Variants in ATP10B observed in about 807,000 individuals in gnomAD.
The protein encoded by ATP10B is ATPase phospholipid transporting 10B (putative), also known as phospholipid-transporting ATPase VB.
ATP10B carries 122 observed loss-of-function variants against 141.2 expected under a neutral mutation model. The ratio of observed to expected loss-of-function variants is 0.86; its 90% confidence interval spans 0.75 to 1.00. ATP10B has a LOEUF of 1.00. ATP10B is among the 50% of genes least tolerant of loss of function. The pLI is 0.00. For synonymous variants in ATP10B, 685 were observed against 692.0 expected, an observed-to-expected ratio of 0.99 and a Z score of 0.16; for missense variants, 1,876 against 1,825.3, an observed-to-expected ratio of 1.03 and a Z score of -0.51.
At chr5:160,576,053 C>G (rs1279825528) in intron 24 of ATP10B, among the ~76,000 whole-genome samples, 3 of 152,180 alleles carry the variant, frequency 2.0e-5, no homozygotes, top group Admixed American at 6.6e-5. Flanking sequence ...CTCCTGCTTT[C>G]CAACAAAAAT....
chr5:160,670,485 A>G lies in ATP10B; in HGVS notation c.653T>C (p.Val218Ala), dbSNP rs1361182584. 6.2e-7 allele frequency: 1 copy of G among 1,614,002 alleles called. No individual in the cohort carries two copies. Among genetic ancestry groups the G allele is most frequent in the Non-Finnish European group, 8.5e-7 (1 of 1,179,998 alleles). ...DGETNLKQRC[V>A]VKGFSQQEVQ... ...TACCTGCTGTGAGAAGCCCTTCACG[A>G]CACATCTTTGCTTGAGGTTTGTCTC... Residue 218 changes from valine to alanine, a missense_variant, in exon 7 of 26, where the codon GTC becomes GCC. Physicochemically the swap from Val to Ala is moderately conservative, Grantham distance 64 (BLOSUM62 0). Transcript: ENST00000327245.
At chr5:160,681,499 C>A (rs1191106533) in intron 6 of ATP10B, among the ~76,000 whole-genome samples, 1 of 152,106 alleles carries the variant, frequency 6.6e-6, no homozygotes, top group African/African-American at 2.4e-5. Flanking sequence ...AAAGAAGAAC[C>A]TAGGGCCAGA....
chr5:160,810,560 C>G (rs1364384651), intron 1 of ATP10B, among the ~76,000 whole-genome samples: 1 of 152,050 alleles, frequency 6.6e-6, no homozygotes. Context: ...GGTGGGTTCT[C>G]TGTGTGTCCA....
Position 160,654,833 on chromosome 5 carries a change from C to T in ATP10B, c.676-5577G>A, listed in dbSNP as rs79250212. Among the ~76,000 whole-genome samples the T allele has an allele frequency of 8.9e-3, 1,355 of 152,252 alleles. 15 individuals are homozygous for T. Among genetic ancestry groups the T allele is most frequent in the African/African-American group, 0.03 (1,239 of 41,542 alleles). ...TACATGCCATCTTCTTTGATTCTGA[C>T]AATAATTCTATCAGGTAGGTACCAT... On this transcript the variant is annotated intron_variant, in intron 7 of 25. Transcript: ENST00000327245.
intron 7 of ATP10B, among the ~76,000 whole-genome samples, chr5:160,667,487 T>C (rs549238026): frequency 1.3e-5 from 2 of 152,222 alleles, no homozygotes; most frequent in African/African-American, 2.4e-5. Flanking sequence ...AAAAAAACAC[T>C]CTTGAGCAAA....
intron 1 of ATP10B, among the ~76,000 whole-genome samples, chr5:160,816,595 C>T (rs1026423988): frequency 6.6e-6 from 1 of 152,214 alleles, no homozygotes; most frequent in Non-Finnish European, 1.5e-5. Context: ...TGGTACCATA[C>T]TTTCTGAAAC....
At position 160,594,241 on chromosome 5, in the gene ATP10B, C is replaced by T. The variant is rs533862849; in HGVS notation, c.3565-3102G>A. The stretch of plus-strand genomic sequence containing the variant: ...AGAGTGGGGGCCAATATTCAACATT[C>T]TTAAAGAAAAGAATTTTCAACTCAG... On this transcript the variant is annotated intron_variant, in intron 22 of 25. Coordinates refer to ENST00000327245, the MANE Select transcript of ATP10B (RefSeq NM_025153.3). Among the ~76,000 whole-genome samples, 3 of 152,308 alleles carry T rather than the reference C, an allele frequency of 2.0e-5. No individual in the cohort carries two copies. In the South Asian group the frequency reaches 6.2e-4, roughly 32 times the overall value.
Position 160,839,035 on chromosome 5 carries a change from T to C in ATP10B, c.-576+12906A>G, listed in dbSNP as rs1775650697. On this transcript the variant is annotated intron_variant, in intron 1 of 25. Coordinates refer to ENST00000327245, the MANE Select transcript of ATP10B (RefSeq NM_025153.3). ...CCTTCCACCATAACTGTAAGCTTCC[T>C]AAGGCCCCACCAGAAGCTGAGTAGA... 2.6e-5 allele frequency among the ~76,000 whole-genome samples: 4 copies of C among 152,188 alleles called. No homozygotes were observed. The South Asian group carries it at 8.3e-4, about 32-fold the overall frequency.
intron 13 of ATP10B, among the ~76,000 whole-genome samples, chr5:160,630,185 T>C (rs148648171): frequency 6.6e-6 from 1 of 152,386 alleles, no homozygotes; most frequent in Non-Finnish European, 1.5e-5. Context: ...GCAACAAGAA[T>C]TGGAACTTAA....
chr5:160,657,641 G>A (rs1455068166), intron 7 of ATP10B, among the ~76,000 whole-genome samples: 3 of 152,256 alleles, frequency 2.0e-5, no homozygotes, highest in East Asian at 1.9e-4. Flanking sequence ...GGCATTTCCT[G>A]AACATACAGG....
intron 1 of ATP10B, among the ~76,000 whole-genome samples, chr5:160,788,766 G>T (rs1279689192): frequency 6.6e-6 from 1 of 152,134 alleles, no homozygotes; most frequent in Non-Finnish European, 1.5e-5. Context: ...GTGCTGACTA[G>T]TTGTGTGCCT....
At chr5:160,642,656 C>T (rs1759960820) in intron 9 of ATP10B, among the ~76,000 whole-genome samples, 1 of 152,182 alleles carries the variant, frequency 6.6e-6, no homozygotes, top group Non-Finnish European at 1.5e-5. Flanking sequence ...AACCCCAGCT[C>T]TAGATAATAA....
At chr5:160,762,443 T>C (rs2127841881) in intron 2 of ATP10B, among the ~76,000 whole-genome samples, 1 of 152,302 alleles carries the variant, frequency 6.6e-6, no homozygotes, top group Non-Finnish European at 1.5e-5. Flanking sequence ...GCCAAGAATT[T>C]TGTATCCAGC....
intron 6 of ATP10B, among the ~76,000 whole-genome samples, chr5:160,674,809 C>T (rs1762924859): frequency 6.6e-6 from 1 of 151,226 alleles, no homozygotes; most frequent in Non-Finnish European, 1.5e-5. Flanking sequence ...AGTAGTTTGG[C>T]CAGTACAAAA....
intron 1 of ATP10B, among the ~76,000 whole-genome samples, chr5:160,829,311 C>A (rs1024362827): frequency 6.6e-6 from 1 of 152,014 alleles, no homozygotes; most frequent in African/African-American, 2.4e-5. Flanking sequence ...TTTGATGGAG[C>A]TACATGTCTG....
chr5:160,569,709 G>T (rs1257004033), intron 24 of ATP10B, 26 bp from the exon 25 acceptor site: 3 of 1,510,220 alleles, frequency 2.0e-6, no homozygotes, highest in Non-Finnish European at 2.7e-6. Flanking sequence ...AGCAAACACT[G>T]TTGAAGGTAT....
chr5:160,913,231 C>G, the ATP10B span, among the ~76,000 whole-genome samples: 1 of 152,210 alleles, frequency 6.6e-6, no homozygotes. Flanking sequence ...CAGCCCTCAG[C>G]AACACTGAAC....
At chr5:160,579,517 T>A (rs771755007) in intron 24 of ATP10B, among the ~76,000 whole-genome samples, 3 of 152,172 alleles carry the variant, frequency 2.0e-5, no homozygotes, top group Non-Finnish European at 4.4e-5. Context: ...TTCTGTTCTG[T>A]TGGTTTATAT....
intron 2 of ATP10B, among the ~76,000 whole-genome samples, chr5:160,768,293 T>A (rs1769631159): frequency 6.6e-6 from 1 of 152,198 alleles, no homozygotes; most frequent in Admixed American, 6.5e-5. Flanking sequence ...GCTCATTTTT[T>A]AAAAAAGAAA....
Sources: allele counts gnomAD v4.1 joint callset (sites outside exome capture counted in the v4.1 genomes callset), GRCh38; gene constraint gnomAD v4.1.1; transcripts MANE v1.5; gene names NCBI Gene and HGNC (gene_info 2026-07-23, HGNC 2026-07-21).